Variants in RPH3AL observed in about 807,000 individuals in gnomAD.
The protein encoded by RPH3AL is rabphilin 3A like (without C2 domains).
Under a neutral mutation model 43.1 loss-of-function variants are expected in RPH3AL, and 38 were observed. The ratio of observed to expected loss-of-function variants is 0.88; its 90% CI spans 0.68 to 1.15. The LOEUF (loss-of-function observed/expected upper bound fraction) is 1.15. Among genes scored for constraint, RPH3AL ranks in the 50% most tolerant of loss-of-function variants. The pLI is 0.00. For missense variants in RPH3AL, 462 were observed against 423.2 expected, an observed-to-expected ratio of 1.09 and a Z score of -0.81; for synonymous variants, 189 against 176.3, an observed-to-expected ratio of 1.07 and a Z score of -0.57.
In RPH3AL at chr17:345,767, TG is replaced by T. The variant is rs774379211; in HGVS notation, c.-213+6944del. ...CTCCCCATCTGCGTGCACACCCTGC[TG>T]GGGCACGCGTGCTCCCCATCTGCAT... On this transcript the variant is annotated intron_variant, in intron 1 of 9. Transcript: ENST00000331302. 1.9e-3 allele frequency among the ~76,000 whole-genome samples: 250 copies of T among 129,028 alleles called. 47 individuals carry two copies. Among genetic ancestry groups the T allele is most frequent in the Admixed American group, 3.7e-3 (50 of 13,622 alleles). The allele number at this position is 129,028 out of a possible 152,430, so 84.6% of individuals were successfully genotyped here.
chr17:319,106 T>C (rs1309903438), intron 5 of RPH3AL, among the ~76,000 whole-genome samples: 2 of 152,204 alleles, frequency 1.3e-5, no homozygotes, highest in East Asian at 1.9e-4. Flanking sequence ...GTGTGAGATA[T>C]TAAACAAGTT....
chr17:265,099 T>C (rs368318539), intron 6 of RPH3AL, among the ~76,000 whole-genome samples: 3 of 152,188 alleles, frequency 2.0e-5, no homozygotes, highest in Admixed American at 1.3e-4. Flanking sequence ...ACATTTTTTC[T>C]TCTTTGAGAC....
At chr17:315,698 GACCTGTAGTCCTTGT>G (rs2044047680) in intron 5 of RPH3AL, among the ~76,000 whole-genome samples, 4 of 151,724 alleles carry the variant, frequency 2.6e-5, no homozygotes, top group African/African-American at 7.2e-5. Context: ...CACCTCCATT[GACCTGTAGTCCTTGT>G]GCCCCACCTC....
At chr17:343,551 T>C (rs1304213886) in intron 1 of RPH3AL, among the ~76,000 whole-genome samples, 1 of 152,200 alleles carries the variant, frequency 6.6e-6, no homozygotes, top group Admixed American at 6.5e-5. Flanking sequence ...TTGGTGACCT[T>C]GGGCAACTTC....
intron 5 of RPH3AL, among the ~76,000 whole-genome samples, chr17:315,728 GACCCGTAGTCTCTGTGCTCCACA>G (rs2044061901): frequency 6.8e-6 from 1 of 147,108 alleles, no homozygotes; most frequent in African/African-American, 2.6e-5. Flanking sequence ...CACCTCTATT[GACCCGTAGTCTCTGTGCTCCACA>G]TCCATTGACC....
intron 5 of RPH3AL, among the ~76,000 whole-genome samples, chr17:298,287 G>C (rs1359047095): frequency 2.0e-5 from 3 of 152,066 alleles, no homozygotes; most frequent in Non-Finnish European, 2.9e-5. Context: ...CAATCTCAGG[G>C]GTAGAGCACC....
chr17:348,535 G>GAA (rs56974223), intron 1 of RPH3AL, among the ~76,000 whole-genome samples: 4,694 of 139,578 alleles, frequency 0.034, 271 homozygotes, highest in African/African-American at 0.11. Context: ...CACTGTTCAA[G>GAA]AAAAAAAAAA....
At chr17:292,088 G>A (rs974165618) in intron 5 of RPH3AL, among the ~76,000 whole-genome samples, 5 of 152,216 alleles carry the variant, frequency 3.3e-5, no homozygotes, top group Non-Finnish European at 5.9e-5. Flanking sequence ...AAGTGTCCAC[G>A]CAGACAGGCA....
chr17:298,712 A>AC (rs1555563852), intron 5 of RPH3AL, among the ~76,000 whole-genome samples: 3 of 151,334 alleles, frequency 2.0e-5, no homozygotes, highest in Non-Finnish European at 2.9e-5. Flanking sequence ...CTCAAAAAAA[A>AC]AAAAAAACTC....
At chr17:257,530 C>G (rs868929597) in intron 6 of RPH3AL, among the ~76,000 whole-genome samples, 1 of 45,380 alleles carries the variant, frequency 2.2e-5, no homozygotes, top group Non-Finnish European at 5.7e-5. Context: ...AGGGGAGCCG[C>G]ACGGCGTCTG....
chr17:275,332 C>T (rs2042629098), intron 6 of RPH3AL, among the ~76,000 whole-genome samples: 1 of 151,532 alleles, frequency 6.6e-6, no homozygotes, highest in Non-Finnish European at 1.5e-5. Flanking sequence ...ATATAGACCA[C>T]AGTGATGGGA....
intron 1 of RPH3AL, chr17:352,452 A>T (rs1002132345): frequency 2.0e-4 from 31 of 151,792 alleles, no homozygotes; most frequent in African/African-American, 6.8e-4. Flanking sequence ...CCTCTTCTTT[A>T]GAAGCAGCAG....
chr17:291,010 C>T (rs1169355210), intron 5 of RPH3AL, among the ~76,000 whole-genome samples: 2 of 152,178 alleles, frequency 1.3e-5, no homozygotes, highest in East Asian at 3.8e-4. Flanking sequence ...ATGAGCCTCA[C>T]TCGACCGAAA....
intron 5 of RPH3AL, among the ~76,000 whole-genome samples, chr17:317,468 G>T (rs528775586): frequency 5.1e-5 from 7 of 136,412 alleles, no homozygotes; most frequent in African/African-American, 1.9e-4. Flanking sequence ...CCATTGACCT[G>T]TAGTTTCTGT....
In RPH3AL at chr17:302,613, G is replaced by A. The variant is rs115759877; in HGVS notation, c.351+16807C>T. The stretch of plus-strand genomic sequence containing the variant: ...GGAAACAGGATGGGAGGCGCCCGCC[G>A]TCGAGGGAGGGTGGATCCAGGCCCG... On this transcript the variant is annotated intron_variant, in intron 5 of 9. Coordinates refer to ENST00000331302, the MANE Select transcript of RPH3AL (RefSeq NM_006987.4). Among the ~76,000 whole-genome samples, 1,253 of 152,296 alleles carry A rather than the reference G, an allele frequency of 8.2e-3. 20 individuals carry two copies. Among genetic ancestry groups the A allele is most frequent in the African/African-American group, 0.028 (1,170 of 41,568 alleles).
At chr17:330,288 G>A (rs765177728) in intron 2 of RPH3AL, among the ~76,000 whole-genome samples, 1 of 152,212 alleles carries the variant, frequency 6.6e-6, no homozygotes, top group Admixed American at 6.5e-5. Context: ...TCAGCAAAGA[G>A]ACCTGGGCAG....
At chr17:301,027 T>C (rs1438233418) in intron 5 of RPH3AL, among the ~76,000 whole-genome samples, 1 of 152,268 alleles carries the variant, frequency 6.6e-6, no homozygotes, top group African/African-American at 2.4e-5. Flanking sequence ...AACTATTGTC[T>C]AGCCAATGCA....
chr17:346,522 A>T (rs2045239841), intron 1 of RPH3AL, among the ~76,000 whole-genome samples: 1 of 133,588 alleles, frequency 7.5e-6, no homozygotes, highest in Non-Finnish European at 1.7e-5. Context: ...CTCTCGTGAG[A>T]CTTATTCACT....
intron 2 of RPH3AL, among the ~76,000 whole-genome samples, 180 bp from the exon 3 acceptor site, chr17:327,759 T>C (rs2044652305): frequency 6.6e-6 from 1 of 152,164 alleles, no homozygotes; most frequent in African/African-American, 2.4e-5. Context: ...AAGGCTCCTC[T>C]TCAGAAGGCT....
Sources: gnomAD v4.1 joint callset for allele counts (sites outside exome capture counted in the v4.1 genomes callset) on GRCh38, gnomAD v4.1.1 for gene constraint, MANE v1.5 for transcripts, NCBI Gene and HGNC (gene_info 2026-07-23, HGNC 2026-07-21) for gene names.